RPGRIP1: variants seen among roughly 807,000 people sequenced by gnomAD.
RPGRIP1 encodes RPGR interacting protein 1, also known as X-linked retinitis pigmentosa GTPase regulator-interacting protein 1.
A neutral mutation model predicts 157.9 loss-of-function variants in RPGRIP1; 128 were observed. The ratio of observed to expected loss-of-function variants is 0.81; its 90% CI spans 0.70 to 0.94. The LOEUF is 0.94. Ranked by LOEUF, RPGRIP1 falls within the 40% of genes least tolerant of loss-of-function variation. RPGRIP1 has a pLI of 0.00. For synonymous variants in RPGRIP1, 554 were observed against 571.6 expected, an observed-to-expected ratio of 0.97 and a Z score of 0.44; for missense variants, 1,486 against 1,545.8, an observed-to-expected ratio of 0.96 and a Z score of 0.65.
chr14:21,297,880 T>TCTTTCTTTCTTTC (rs1555365051), intron 3 of RPGRIP1, among the ~76,000 whole-genome samples: 20 of 149,832 alleles, frequency 1.3e-4, no homozygotes, highest in African/African-American at 1.7e-4. Flanking sequence ...TTTCTTTCTT[T>TCTTTCTTTCTTTC]TTTTTGAGAT....
Position 21,334,651 on chromosome 14 carries a change from T to G in RPGRIP1, c.3285T>G (p.Thr1095=). Residue 1095 remains threonine (T), a synonymous_variant, in exon 21 of 25, where the codon ACT becomes ACG. Transcript: ENST00000400017. ...GTTCTGAAGTCAGTGAAGCACAAAC[T>G]ACCGACAGTGATGATGTCATAGTGC... ...EQGSEVSEAQ[T]TDSDDVIVPP... is the part of the protein sequence containing the mutation. 6.2e-7 allele frequency: 1 copy of G among 1,609,528 alleles called. No homozygotes were observed. The highest frequency in any genetic ancestry group is 1.6e-4 in the Middle Eastern group (1 of 6,062).
rs142485005 is a variant in RPGRIP1, at chr14:21,336,076, G to A, written c.3339+1371G>A. On this transcript the variant is annotated intron_variant, in intron 21 of 24. Coordinates refer to ENST00000400017, the MANE Select transcript of RPGRIP1 (RefSeq NM_020366.4). ...AGGTAGATTGTGTAATATAAAGTCTGTTGTAAGAAATCAGAAAAGGGAATT... is the reference window on the plus strand; with the variant it reads ...AGGTAGATTGTGTAATATAAAGTCTATTGTAAGAAATCAGAAAAGGGAATT... Among the ~76,000 whole-genome samples the A allele has an allele frequency of 6.6e-3, 1,003 of 152,286 alleles. 9 individuals carry two copies. The highest frequency in any genetic ancestry group is 0.023 in the African/African-American group (954 of 41,582).
At chr14:21,320,358 C>T (rs1882275201) in intron 12 of RPGRIP1, among the ~76,000 whole-genome samples, 181 bp downstream of exon 12, 2 of 151,934 alleles carry the variant, frequency 1.3e-5, no homozygotes, top group South Asian at 2.1e-4. Flanking sequence ...GGCGCGATCT[C>T]GGCTCACTGC....
intron 1 of RPGRIP1, among the ~76,000 whole-genome samples, chr14:21,282,675 TCTCGG>T (rs1026338312): frequency 1.4e-5 from 2 of 147,800 alleles, no homozygotes; most frequent in African/African-American, 5.1e-5. Context: ...AGTGGCGTGA[TCTCGG>T]CTCACAGCAA....
In RPGRIP1 at chr14:21,346,516, C is replaced by T. The variant is rs566402926; in HGVS notation, c.3617+1319C>T. On this transcript the variant is annotated intron_variant, in intron 23 of 24. Transcript: ENST00000400017. ...GCAGTGAGCTAAGATTGTGCCACTG[C>T]ACTCCAACCTGGGTGACAAAGCAGA... 5.3e-5 allele frequency among the ~76,000 whole-genome samples: 8 copies of T among 152,198 alleles called. No homozygotes were observed. The East Asian group carries it at 1.5e-3, about 29-fold the overall frequency.
chr14:21,324,512 A>G lies in RPGRIP1; in HGVS notation c.1763-106A>G, dbSNP rs142097989. 4.0e-5 allele frequency: 38 copies of G among 941,174 alleles called. No homozygotes were observed. The African/African-American group carries it at 5.3e-4, about 13-fold the overall frequency. 58.3% of individuals were successfully genotyped at this position (941,174 alleles called of 1,614,324 possible). A position where few individuals can be genotyped will look rare whatever the true frequency, so the allele number is the denominator to read the frequency against. ...CACGTGGTTTCTTGAAATAATCACA[A>G]CTTGGACTTCCACCATGTGTTTTAT... On this transcript the variant is annotated intron_variant, in intron 14 of 24. Transcript: ENST00000400017.
chr14:21,290,937 G>T (rs915229144), intron 2 of RPGRIP1, among the ~76,000 whole-genome samples: 44 of 149,506 alleles, frequency 2.9e-4, no homozygotes, highest in African/African-American at 1.1e-3. Flanking sequence ...GGAGGCATAG[G>T]TTGCAGTGAG....
chr14:21,343,866 GTTTTTTTTTT>G (rs67535379), intron 22 of RPGRIP1, among the ~76,000 whole-genome samples: 48 of 50,372 alleles, frequency 9.5e-4, no homozygotes, highest in African/African-American at 2.1e-3. Flanking sequence ...CTCTTTTCCT[GTTTTTTTTTT>G]TTTTTTTTTT....
At chr14:21,297,240 A>G (rs1475054817) in intron 3 of RPGRIP1, among the ~76,000 whole-genome samples, 1 of 151,924 alleles carries the variant, frequency 6.6e-6, no homozygotes, top group African/African-American at 2.4e-5. Context: ...GATTACAAGC[A>G]TGTGCCACCA....
At position 21,307,807 on chromosome 14, in the gene RPGRIP1, A is replaced by G. The variant is rs1389892771; in HGVS notation, c.877A>G (p.Thr293Ala). The G allele has an allele frequency of 1.3e-6, 2 of 1,564,652 alleles. No homozygotes were observed. The highest frequency in any genetic ancestry group is 8.7e-7 in the Non-Finnish European group (1 of 1,154,962). The change falls in exon 7 of 25, where the codon ACA becomes GCA. Residue 293 changes from threonine to alanine, a missense_variant. Coordinates refer to ENST00000400017, the MANE Select transcript of RPGRIP1 (RefSeq NM_020366.4). ...LHERNASLVM[T>A]KAQLTEVQEA... is the part of the protein sequence containing the mutation. ...TGAAAGAAATGCTTCATTGGTTATG[A>G]CAAAAGCACAATTAACAGAAGTTCA...
intron 20 of RPGRIP1, among the ~76,000 whole-genome samples, chr14:21,331,960 A>G (rs1244001579): frequency 3.2e-5 from 4 of 126,900 alleles, no homozygotes; most frequent in African/African-American, 9.1e-5. Context: ...TTTTTTTGAG[A>G]TGAAGTCTCT....
At position 21,351,272 on chromosome 14, in the gene RPGRIP1, T is replaced by C. The variant is rs923869645; in HGVS notation, c.*56T>C. On this transcript the variant is annotated 3_prime_UTR_variant, in exon 25 of 25. Transcript: ENST00000400017. ...TCTGAGGGAACCATAGTAAAAAGTC[T>C]CTTATAAAGTTAGCTTGCTATAACA... The C allele has an allele frequency of 1.0e-4, 110 of 1,061,346 alleles. 1 individual carries two copies. Among genetic ancestry groups the C allele is most frequent in the Non-Finnish European group, 1.5e-4 (105 of 701,926 alleles). 65.7% of individuals were successfully genotyped at this position (1,061,346 alleles called of 1,614,324 possible).
At position 21,313,234 on chromosome 14, in the gene RPGRIP1, G is replaced by A. The variant is rs187893989; in HGVS notation, c.1151+728G>A. 6.3e-3 allele frequency among the ~76,000 whole-genome samples: 951 copies of A among 151,882 alleles called. 11 individuals carry two copies. The highest frequency in any genetic ancestry group is 0.021 in the African/African-American group (889 of 41,416). ...AATAAGAATGTTGCTGGGTGCAGCA[G>A]CTCACACCTGTAATCCTAACACTTA... On this transcript the variant is annotated intron_variant, in intron 10 of 24. Coordinates refer to ENST00000400017, the MANE Select transcript of RPGRIP1 (RefSeq NM_020366.4).
At chr14:21,317,907 G>T in intron 11 of RPGRIP1, 57 bp downstream of exon 11, 1 of 1,452,026 alleles carries the variant, frequency 6.9e-7, no homozygotes, top group Non-Finnish European at 9.4e-7. Flanking sequence ...TCTGGTTTGG[G>T]AGAAGATAAC....
intron 10 of RPGRIP1, among the ~76,000 whole-genome samples, chr14:21,312,913 G>T (rs1176801622): frequency 6.6e-6 from 1 of 151,866 alleles, no homozygotes; most frequent in Non-Finnish European, 1.5e-5. Context: ...GCTTACTGCA[G>T]CCCCAGTCTC....
intron 24 of RPGRIP1, among the ~76,000 whole-genome samples, chr14:21,349,236 A>G (rs1466985076): frequency 6.7e-6 from 1 of 149,846 alleles, no homozygotes; most frequent in African/African-American, 2.5e-5. Flanking sequence ...ACGCCAGCTA[A>G]TTTTTGTATT....
At chr14:21,289,778 G>A (rs1020534939) in intron 2 of RPGRIP1, among the ~76,000 whole-genome samples, 1 of 152,086 alleles carries the variant, frequency 6.6e-6, no homozygotes, top group Non-Finnish European at 1.5e-5. Context: ...CGAGGCAGGT[G>A]GATCACCTGG....
rs1881013380 is a variant in RPGRIP1, at chr14:21,301,205, C to G, written c.458C>G (p.Ala153Gly). The G allele has an allele frequency of 1.3e-5, 20 of 1,591,746 alleles. No individual in the cohort carries two copies. Among genetic ancestry groups the G allele is most frequent in the Non-Finnish European group, 1.7e-5 (20 of 1,170,096 alleles). Reference protein sequence around the residue: ...VQVGHRQLHTAGAPVPEKPKR... With the variant: ...VQVGHRQLHTGGAPVPEKPKR... ...GTGGGACACAGACAGCTCCACACAG[C>G]CGGTGCACCGGTGCCGGAGAAACCC... Residue 153 changes from alanine to glycine, a missense_variant, in exon 4 of 25, where the codon GCC becomes GGC. Ala to Gly is a moderately conservative substitution (Grantham distance 60). Coordinates refer to ENST00000400017, the MANE Select transcript of RPGRIP1 (RefSeq NM_020366.4).
intron 20 of RPGRIP1, among the ~76,000 whole-genome samples, chr14:21,332,977 G>A (rs2319817): frequency 0.071 from 10,802 of 152,224 alleles, 553 homozygotes; most frequent in Non-Finnish European, 0.11. Context: ...GGTGGTGGGT[G>A]CTGGTAACCC....
Sources: allele counts gnomAD v4.1 joint callset (sites outside exome capture counted in the v4.1 genomes callset), GRCh38; gene constraint gnomAD v4.1.1; transcripts MANE v1.5; gene names NCBI Gene and HGNC (gene_info 2026-07-23, HGNC 2026-07-21).